SLC15A5: variants seen among roughly 807,000 people sequenced by gnomAD.
SLC15A5 encodes the protein solute carrier family 15 member 5, also known as Peptide/histidine transporter ENSP00000340402.
Under a neutral mutation model 56.1 loss-of-function variants are expected in SLC15A5, and 58 were observed. The ratio of observed to expected loss-of-function variants is 1.03; its 90% CI spans 0.84 to 1.29. SLC15A5 has a LOEUF of 1.29. Among genes scored for constraint, SLC15A5 ranks in the 50% most tolerant of loss-of-function variants. The pLI is 0.00. For missense variants in SLC15A5, 681 were observed against 672.1 expected, an observed-to-expected ratio of 1.01 and a Z score of -0.15; for synonymous variants, 264 against 250.5, an observed-to-expected ratio of 1.05 and a Z score of -0.51.
intron 1 of SLC15A5, among the ~76,000 whole-genome samples, chr12:16,274,944 C>T (rs1159991805): frequency 6.6e-6 from 1 of 152,018 alleles, no homozygotes; most frequent in African/African-American, 2.4e-5. Flanking sequence ...AGAAAAGTCT[C>T]CTCTGTGATG....
intron 2 of SLC15A5, among the ~76,000 whole-genome samples, chr12:16,268,585 A>G (rs1565675421): frequency 6.6e-6 from 1 of 152,210 alleles, no homozygotes; most frequent in Non-Finnish European, 1.5e-5. Context: ...GAGTATATGT[A>G]GATTTATATT....
chr12:16,241,264 C>T (rs1400008029), intron 4 of SLC15A5, among the ~76,000 whole-genome samples: 1 of 152,214 alleles, frequency 6.6e-6, no homozygotes, highest in Non-Finnish European at 1.5e-5. Flanking sequence ...ATCCCTGCTT[C>T]ACCACCATCC....
intron 3 of SLC15A5, among the ~76,000 whole-genome samples, chr12:16,250,699 G>T (rs1254286421): frequency 6.6e-6 from 1 of 151,898 alleles, no homozygotes; most frequent in Non-Finnish European, 1.5e-5. Context: ...ATACAGTTGG[G>T]TTTATTCTTA....
In SLC15A5 at chr12:16,239,746, A is replaced by G. The variant is rs1864393915; in HGVS notation, c.1097T>C (p.Leu366Pro). 1.3e-6 allele frequency: 2 copies of G among 1,537,232 alleles called. No homozygotes were observed. Among genetic ancestry groups the G allele is most frequent in the Admixed American group, 3.9e-5 (2 of 50,980 alleles). The change falls in exon 5 of 9, where the codon CTG becomes CCG. Residue 366 changes from leucine (L) to proline (P), a missense_variant. Physicochemically the swap from Leu to Pro is moderately conservative, Grantham distance 98. Transcript: ENST00000344941. ...AAACAGGCAGGTGCTGAAATACTCCAGAAAAGGAGCCAGAATTAGTAATGG... is the reference window on the plus strand; with the variant it reads ...AAACAGGCAGGTGCTGAAATACTCCGGAAAAGGAGCCAGAATTAGTAATGG... The part of the protein sequence containing the change: ...SLPLLILAPF[L>P]EYFSTCLFPS...
At chr12:16,203,083 ATGTAT>A (rs1188613680) in intron 7 of SLC15A5, among the ~76,000 whole-genome samples, 1 of 152,120 alleles carries the variant, frequency 6.6e-6, no homozygotes, top group East Asian at 1.9e-4. Flanking sequence ...GTCAATAATA[ATGTAT>A]TGTATATATC....
At chr12:16,209,333 A>G (rs181135313) in intron 7 of SLC15A5, among the ~76,000 whole-genome samples, 6 of 152,000 alleles carry the variant, frequency 3.9e-5, no homozygotes, top group African/African-American at 1.2e-4. Context: ...TCTGGCTGCT[A>G]TGTATTTTCT....
chr12:16,198,434 A>G (rs1015898988), intron 7 of SLC15A5, among the ~76,000 whole-genome samples: 1 of 152,278 alleles, frequency 6.6e-6, no homozygotes, highest in Non-Finnish European at 1.5e-5. Flanking sequence ...AGAATCATCT[A>G]GACTCACTCT....
rs770814399 is a variant in SLC15A5, at chr12:16,224,524, A to G, written c.1241T>C (p.Val414Ala). The G allele has an allele frequency of 2.6e-6, 4 of 1,537,210 alleles. No homozygotes were observed. Among genetic ancestry groups the G allele is most frequent in the Non-Finnish European group, 2.6e-6 (3 of 1,146,868 alleles). ...FEIHRKHFPAVEQPLSGKVLT... is the reference protein window; with the variant it reads ...FEIHRKHFPAAEQPLSGKVLT... The stretch of plus-strand genomic sequence containing the variant: ...AACTTTTCCTGAAAGGGGCTGCTCC[A>G]CTGCAGGGAAATGTTTTCGGTGTAT... Residue 414 changes from valine (V) to alanine (A), a missense_variant, in exon 6 of 9, where the codon GTG (valine) becomes GCG (alanine). Coordinates refer to ENST00000344941, the MANE Select transcript of SLC15A5 (RefSeq NM_001170798.1).
At chr12:16,244,527 T>C in intron 4 of SLC15A5, 53 bp downstream of exon 4, 1 of 1,468,044 alleles carries the variant, frequency 6.8e-7, no homozygotes, top group East Asian at 2.5e-5. Context: ...CTTGCACTGT[T>C]GACATGCAAT....
At chr12:16,250,940 A>G (rs1186803944) in intron 3 of SLC15A5, among the ~76,000 whole-genome samples, 2 of 152,132 alleles carry the variant, frequency 1.3e-5, no homozygotes, top group East Asian at 3.9e-4. Flanking sequence ...CTGTGCATAA[A>G]AAAATAACAC....
Position 16,244,682 on chromosome 12 carries a change from A to AG in SLC15A5, c.872_873insC (p.Gly292TrpfsTer6). On this transcript the variant is annotated frameshift_variant, in exon 4 of 9. Transcript: ENST00000344941. LOFTEE classifies it high-confidence loss of function. ...CATGGAGCTCACTGTAGCAGCCACC[A>AG]TTTTTTTCTTTGGCATGGTCTAACT... The AG allele has an allele frequency of 6.5e-7, 1 of 1,537,358 alleles. No homozygotes were observed. Among genetic ancestry groups the AG allele is most frequent in the Non-Finnish European group, 8.7e-7 (1 of 1,146,952 alleles).
chr12:16,197,112 A>T lies in SLC15A5; in HGVS notation c.1484-2659T>A, dbSNP rs551177233. Reference sequence around the variant, plus strand: ...AAAAAAAAAAGAAAAGAAAACCCCAAACCGAAGATTGCCATATTACGTATT... The same window carrying T: ...AAAAAAAAAAGAAAAGAAAACCCCATACCGAAGATTGCCATATTACGTATT... On this transcript the variant is annotated intron_variant, in intron 7 of 8. Coordinates refer to ENST00000344941, the MANE Select transcript of SLC15A5 (RefSeq NM_001170798.1). 1.3e-4 allele frequency among the ~76,000 whole-genome samples: 20 copies of T among 152,144 alleles called. No individual in the cohort carries two copies. In the East Asian group the frequency reaches 1.9e-3, roughly 15 times the overall value.
intron 5 of SLC15A5, among the ~76,000 whole-genome samples, chr12:16,231,368 C>T (rs1041871441): frequency 4.6e-5 from 7 of 151,036 alleles, no homozygotes; most frequent in African/African-American, 1.5e-4. Context: ...CAATGGTGGA[C>T]AAAAATTGAA....
intron 7 of SLC15A5, among the ~76,000 whole-genome samples, chr12:16,209,421 G>T (rs7955952): frequency 6.6e-6 from 1 of 151,746 alleles, no homozygotes; most frequent in South Asian, 2.1e-4. Flanking sequence ...CTCACACTAT[G>T]TAATTTCATT....
At chr12:16,232,946 G>A in intron 5 of SLC15A5, among the ~76,000 whole-genome samples, 2 of 126,514 alleles carry the variant, frequency 1.6e-5, no homozygotes, top group African/African-American at 2.9e-5. Flanking sequence ...AGAGAGAGAG[G>A]AAGAAAGAAA....
At chr12:16,240,794 C>T (rs1286468185) in intron 4 of SLC15A5, among the ~76,000 whole-genome samples, 1 of 151,764 alleles carries the variant, frequency 6.6e-6, no homozygotes, top group Non-Finnish European at 1.5e-5. Context: ...ACAGCTTCAT[C>T]AGCTTCATCA....
At position 16,196,410 on chromosome 12, in the gene SLC15A5, G is replaced by A. The variant is rs572250965; in HGVS notation, c.1484-1957C>T. The stretch of plus-strand genomic sequence containing the variant: ...TGTGTGCATGTGTGTGTGTGTGCCC[G>A]TGCATGTGTGCACACAGGAACTAAA... On this transcript the variant is annotated intron_variant, in intron 7 of 8. Coordinates refer to ENST00000344941, the MANE Select transcript of SLC15A5 (RefSeq NM_001170798.1). The surrounding 1 kb of genome is among the most constrained non-coding windows in gnomAD (Gnocchi z 4.0). Among the ~76,000 whole-genome samples the A allele has an allele frequency of 6.4e-4, 98 of 151,960 alleles. No homozygotes were observed. The highest frequency in any genetic ancestry group is 8.8e-4 in the Non-Finnish European group (60 of 67,904).
At chr12:16,239,059 T>C (rs1180238965) in intron 5 of SLC15A5, among the ~76,000 whole-genome samples, 1 of 152,248 alleles carries the variant, frequency 6.6e-6, no homozygotes, top group Non-Finnish European at 1.5e-5. Context: ...AGTTCTCTGA[T>C]TCTTAGATTG....
intron 3 of SLC15A5, among the ~76,000 whole-genome samples, chr12:16,255,686 A>G (rs766703170): frequency 3.3e-5 from 5 of 151,448 alleles, no homozygotes; most frequent in Non-Finnish European, 7.4e-5. Context: ...TGGCAAATGT[A>G]AAAAAAAACC....
Sources: gnomAD v4.1 joint callset for allele counts (sites outside exome capture counted in the v4.1 genomes callset) on GRCh38, gnomAD v4.1.1 for gene constraint, Gnocchi (gnomAD v3.1) non-coding constraint, MANE v1.5 for transcripts, NCBI Gene and HGNC (gene_info 2026-07-23, HGNC 2026-07-21) for gene names.